STPG2: variants seen among roughly 807,000 people sequenced by gnomAD.
STPG2 encodes the protein sperm-tail PG-rich repeat-containing protein 2.
Under a neutral mutation model 54.2 loss-of-function variants are expected in STPG2, and 56 were observed. That is an observed-to-expected ratio of 1.03 (90% CI 0.83 to 1.29). The LOEUF (loss-of-function observed/expected upper bound fraction) is 1.29, where lower values mean the gene tolerates loss of function less well. Ranked by LOEUF, STPG2 falls within the 50% of genes most tolerant of loss-of-function variation. STPG2 has a pLI of 0.00. For missense variants in STPG2, 596 were observed against 544.9 expected, an observed-to-expected ratio of 1.09 and a Z score of -0.93; for synonymous variants, 200 against 181.8, an observed-to-expected ratio of 1.10 and a Z score of -0.81.
chr4:97,632,542 C>T (rs1721325530), intron 10 of STPG2, among the ~76,000 whole-genome samples: 1 of 151,988 alleles, frequency 6.6e-6, no homozygotes, highest in Admixed American at 6.6e-5. Flanking sequence ...ATCCTGAGTT[C>T]TTGCTCTGAA....
chr4:97,735,004 C>A (rs752638698), intron 9 of STPG2, among the ~76,000 whole-genome samples: 5 of 150,072 alleles, frequency 3.3e-5, no homozygotes, highest in Non-Finnish European at 7.4e-5. Context: ...ACCCAGGAGG[C>A]GGAGCTGGCA....
intron 5 of STPG2, among the ~76,000 whole-genome samples, chr4:97,995,695 C>A (rs1229263744): frequency 6.6e-6 from 1 of 152,076 alleles, no homozygotes; most frequent in Non-Finnish European, 1.5e-5. Flanking sequence ...AAGCTGGGAA[C>A]CCTGCATGGG....
chr4:98,077,244 T>TTGC (rs1738198746), intron 5 of STPG2, among the ~76,000 whole-genome samples: 1 of 151,890 alleles, frequency 6.6e-6, no homozygotes, highest in Admixed American at 6.6e-5. Context: ...GTTGTTGTTG[T>TTGC]TGTTGTTGTT....
rs922468220 is a variant in STPG2 at position 97,941,976 on chromosome 4, T to C, written c.1044+1921A>G. 5.9e-5 allele frequency among the ~76,000 whole-genome samples: 9 copies of C among 151,972 alleles called. 1 individual carries two copies. Among genetic ancestry groups the C allele is most frequent in the Admixed American group, 5.9e-4 (9 of 15,246 alleles). ...AGAAAAGAGAACACTAAAAAGAAGT[T>C]TTCAGATCTAAAGAGGGACAAAGTT... On this transcript the variant is annotated intron_variant, in intron 8 of 10. Transcript: ENST00000295268.
chr4:98,069,653 A>G lies in STPG2; in HGVS notation c.612+36300T>C, dbSNP rs141213225. 6.4e-3 allele frequency among the ~76,000 whole-genome samples: 967 copies of G among 152,228 alleles called. 13 individuals carry two copies. Among genetic ancestry groups the G allele is most frequent in the Non-Finnish European group, 5.4e-3 (369 of 67,988 alleles). ...CTCCATGAATCTCTCACATTTCCAT[A>G]CACATCTAGACATTAACAGTCAACA... On this transcript the variant is annotated intron_variant, in intron 5 of 10. Transcript: ENST00000295268.
intron 5 of STPG2, chr4:98,026,252 G>A (rs966326729): frequency 3.4e-5 from 30 of 874,150 alleles, no homozygotes; most frequent in Non-Finnish European, 5.4e-5. Flanking sequence ...CTCAGGAGTG[G>A]GCTGCTGAGA....
chr4:97,869,894 T>C (rs113722820), intron 8 of STPG2, among the ~76,000 whole-genome samples: 1,887 of 151,738 alleles, frequency 0.012, 36 homozygotes, highest in African/African-American at 0.043. Flanking sequence ...ATAATATGAC[T>C]TGCTTACATC....
At chr4:97,910,485 T>C (rs1312104052) in intron 8 of STPG2, among the ~76,000 whole-genome samples, 24 of 152,144 alleles carry the variant, frequency 1.6e-4, no homozygotes. Flanking sequence ...CTGGGTACCA[T>C]ATAAACAGAA....
intron 4 of STPG2, among the ~76,000 whole-genome samples, chr4:97,491,460 A>G (rs185295045): frequency 7.9e-5 from 12 of 151,648 alleles, no homozygotes; most frequent in African/African-American, 2.7e-4. Flanking sequence ...ACAGAAATGC[A>G]GAAGACATAG....
chr4:98,125,395 T>C (rs1482784805), intron 3 of STPG2, among the ~76,000 whole-genome samples: 1 of 151,746 alleles, frequency 6.6e-6, no homozygotes, highest in Non-Finnish European at 1.5e-5. Flanking sequence ...TTGTTGTTGC[T>C]GTTTGTTTGT....
intron 8 of STPG2, among the ~76,000 whole-genome samples, chr4:97,913,837 T>C (rs1371206317): frequency 6.6e-6 from 1 of 152,162 alleles, no homozygotes; most frequent in Non-Finnish European, 1.5e-5. Context: ...ATATATTAAA[T>C]TTAATAAGCA....
intron 10 of STPG2, among the ~76,000 whole-genome samples, chr4:97,709,918 C>A (rs967414282): frequency 6.6e-6 from 1 of 151,650 alleles, no homozygotes; most frequent in African/African-American, 2.4e-5. Context: ...AAAAGAAAAT[C>A]CTGATTTTCC....
chr4:97,902,869 C>G (rs1398008276), intron 8 of STPG2, among the ~76,000 whole-genome samples: 1 of 152,060 alleles, frequency 6.6e-6, no homozygotes. Flanking sequence ...GCATTATTCA[C>G]AAGAGCCAAG....
chr4:97,500,186 G>A (rs1044911779), intron 4 of STPG2, among the ~76,000 whole-genome samples: 1 of 151,988 alleles, frequency 6.6e-6, no homozygotes, highest in Non-Finnish European at 1.5e-5. Context: ...CTGAAATGTG[G>A]ATGTATTTGG....
intron 5 of STPG2, among the ~76,000 whole-genome samples, chr4:98,093,663 G>A (rs985382118): frequency 6.6e-6 from 1 of 152,212 alleles, no homozygotes; most frequent in Non-Finnish European, 1.5e-5. Flanking sequence ...AGGGGATATA[G>A]TCTTGAATCA....
At chr4:98,098,567 G>C (rs1032696479) in intron 5 of STPG2, among the ~76,000 whole-genome samples, 2 of 152,098 alleles carry the variant, frequency 1.3e-5, no homozygotes, top group Non-Finnish European at 2.9e-5. Context: ...ACTGGGCAAA[G>C]ATTTCCTGAA....
intron 5 of STPG2, among the ~76,000 whole-genome samples, chr4:98,027,442 CT>C (rs1736460552): frequency 6.6e-6 from 1 of 152,124 alleles, no homozygotes; most frequent in Admixed American, 6.5e-5. Flanking sequence ...ATCTCATCAG[CT>C]CAAAGAACCC....
At chr4:98,121,402 T>C (rs1739675997) in intron 3 of STPG2, among the ~76,000 whole-genome samples, 1 of 152,202 alleles carries the variant, frequency 6.6e-6, no homozygotes, top group Admixed American at 6.5e-5. Flanking sequence ...AATTTTAAAA[T>C]AGCTTTTACT....
intron 8 of STPG2, among the ~76,000 whole-genome samples, chr4:97,866,455 T>C (rs558005344): frequency 6.6e-6 from 1 of 152,106 alleles, no homozygotes; most frequent in East Asian, 1.9e-4. Flanking sequence ...CCTCTCTAGG[T>C]TTGATATCCT....
Sources: gnomAD v4.1 joint callset for allele counts (sites outside exome capture counted in the v4.1 genomes callset) on GRCh38, gnomAD v4.1.1 for gene constraint, MANE v1.5 for transcripts, NCBI Gene and HGNC (gene_info 2026-07-23, HGNC 2026-07-21) for gene names.